The following BBS9 variants were observed in gnomAD, a reference collection of about 807,000 sequenced individuals.
BBS9 encodes protein PTHB1.
Under a neutral mutation model 117.7 loss-of-function variants are expected in BBS9, and 89 were observed. The observed-to-expected ratio is 0.76, with a 90% CI of 0.64 to 0.90. The LOEUF is 0.90. BBS9 is among the 40% of genes least tolerant of loss of function. The pLI is 0.00. For synonymous variants in BBS9, 379 were observed against 370.9 expected, an observed-to-expected ratio of 1.02 and a Z score of -0.25; for missense variants, 982 against 1,042.2, an observed-to-expected ratio of 0.94 and a Z score of 0.80.
At chr7:33,142,493 C>A (rs893899942) in intron 1 of BBS9, among the ~76,000 whole-genome samples, 3 of 152,178 alleles carry the variant, frequency 2.0e-5, no homozygotes, top group East Asian at 1.9e-4. Flanking sequence ...CCATTTTTAA[C>A]TATATAGTTC....
intron 5 of BBS9, among the ~76,000 whole-genome samples, chr7:33,180,964 T>C (rs1798016594): frequency 6.6e-6 from 1 of 152,164 alleles, no homozygotes; most frequent in South Asian, 2.1e-4. Context: ...AGTATTTCCT[T>C]GGCGGTCGGG....
chr7:33,440,829 ATATAATT>A (rs1332898090), intron 19 of BBS9, among the ~76,000 whole-genome samples: 1 of 152,204 alleles, frequency 6.6e-6, no homozygotes, highest in African/African-American at 2.4e-5. Context: ...TTTAGCAGTG[ATATAATT>A]TATAATTTAA....
At chr7:33,164,704 T>C (rs7457370) in intron 4 of BBS9, among the ~76,000 whole-genome samples, 23,522 of 152,150 alleles carry the variant, frequency 0.15, 2,024 homozygotes, top group South Asian at 0.21. Context: ...TTTATCCTTT[T>C]ATTTTGAGCC....
intron 19 of BBS9, among the ~76,000 whole-genome samples, chr7:33,500,745 T>C (rs1013821524): frequency 6.6e-6 from 1 of 152,208 alleles, no homozygotes; most frequent in African/African-American, 2.4e-5. Flanking sequence ...TGATGATTCA[T>C]GTCTACTCTG....
intron 9 of BBS9, among the ~76,000 whole-genome samples, chr7:33,300,057 C>T (rs546115999): frequency 7.9e-5 from 12 of 152,212 alleles, no homozygotes; most frequent in African/African-American, 2.4e-4. Flanking sequence ...GAACTATTAC[C>T]GTTCCTGTAT....
intron 21 of BBS9, among the ~76,000 whole-genome samples, chr7:33,630,802 GCAC>G (rs1865856842): frequency 6.6e-6 from 1 of 151,498 alleles, no homozygotes; most frequent in Admixed American, 6.6e-5. Context: ...CCTGCCTTCT[GCAC>G]TCACTCATTT....
chr7:33,311,896 T>C (rs1310473780), intron 9 of BBS9, among the ~76,000 whole-genome samples: 1 of 152,186 alleles, frequency 6.6e-6, no homozygotes, highest in East Asian at 1.9e-4. Flanking sequence ...GACATTCCTC[T>C]GTGCAATAGA....
intron 3 of BBS9, among the ~76,000 whole-genome samples, chr7:33,154,105 C>T (rs1466838340): frequency 1.3e-5 from 2 of 152,238 alleles, no homozygotes; most frequent in South Asian, 2.1e-4. Flanking sequence ...ACATCATGCT[C>T]TTTTCCTGAG....
intron 20 of BBS9, among the ~76,000 whole-genome samples, chr7:33,521,806 T>C (rs1585109545): frequency 6.6e-6 from 1 of 152,000 alleles, no homozygotes; most frequent in African/African-American, 2.4e-5. Context: ...GCAGGTTAGT[T>C]ACATATGTAT....
intron 21 of BBS9, among the ~76,000 whole-genome samples, chr7:33,635,066 T>C (rs1866079555): frequency 6.6e-6 from 1 of 152,198 alleles, no homozygotes; most frequent in Admixed American, 6.5e-5. Flanking sequence ...TTCAATCCTG[T>C]GCTCAGAATT....
intron 19 of BBS9, among the ~76,000 whole-genome samples, chr7:33,504,298 T>A (rs2129014734): frequency 6.6e-6 from 1 of 152,340 alleles, no homozygotes; most frequent in South Asian, 2.1e-4. Flanking sequence ...CCCAGCAATT[T>A]CAGGCAAGGA....
chr7:33,174,922 A>G (rs1413652020), intron 4 of BBS9, among the ~76,000 whole-genome samples: 2 of 152,186 alleles, frequency 1.3e-5, no homozygotes, highest in East Asian at 3.9e-4. Flanking sequence ...TTTTACTACC[A>G]TTTAGAATCC....
downstream of BBS9, among the ~76,000 whole-genome samples, chr7:33,610,745 T>G (rs946735904): frequency 1.3e-5 from 2 of 152,216 alleles, no homozygotes; most frequent in African/African-American, 2.4e-5. Context: ...CTTCTTAAGT[T>G]TGCCAGTGTG....
chr7:33,350,615 G>A (rs557630028), intron 13 of BBS9, among the ~76,000 whole-genome samples: 136 of 152,190 alleles, frequency 8.9e-4, no homozygotes, highest in Non-Finnish European at 1.6e-3. Flanking sequence ...TTTGTGTACC[G>A]TTTTCTCTGT....
intron 12 of BBS9, among the ~76,000 whole-genome samples, chr7:33,346,631 C>T (rs907162566): frequency 6.6e-6 from 1 of 152,110 alleles, no homozygotes; most frequent in Non-Finnish European, 1.5e-5. Flanking sequence ...ATTTTCATTA[C>T]CTATCTCCTT....
At chr7:33,429,605 C>G (rs1268953274) in intron 19 of BBS9, among the ~76,000 whole-genome samples, 1 of 152,088 alleles carries the variant, frequency 6.6e-6, no homozygotes, top group Non-Finnish European at 1.5e-5. Flanking sequence ...TCTTGAGCCT[C>G]AGTTTCTGCA....
intron 19 of BBS9, among the ~76,000 whole-genome samples, chr7:33,443,888 G>C (rs1836589926): frequency 6.6e-6 from 1 of 152,316 alleles, no homozygotes; most frequent in South Asian, 2.1e-4. Flanking sequence ...TACCGAAACA[G>C]GGAGCTCAAA....
chr7:33,513,861 T>G (rs1847330754), intron 20 of BBS9, among the ~76,000 whole-genome samples: 1 of 152,218 alleles, frequency 6.6e-6, no homozygotes, highest in Non-Finnish European at 1.5e-5. Context: ...TATATAGTGC[T>G]GACAGACATA....
intron 10 of BBS9, among the ~76,000 whole-genome samples, chr7:33,337,168 T>G (rs1418083367): frequency 6.6e-6 from 1 of 152,108 alleles, no homozygotes; most frequent in Non-Finnish European, 1.5e-5. Flanking sequence ...TATTTTCAGT[T>G]CCCGAGTTTT....
Sources: gnomAD v4.1 joint callset for allele counts (sites outside exome capture counted in the v4.1 genomes callset) on GRCh38, gnomAD v4.1.1 for gene constraint, MANE v1.5 for transcripts, NCBI Gene and HGNC (gene_info 2026-07-23, HGNC 2026-07-21) for gene names.